Variants in CAPRIN2 observed in about 807,000 individuals in gnomAD.
CAPRIN2 encodes caprin-2.
In CAPRIN2, 66 loss-of-function variants were observed where a neutral mutation model predicts 130.4. The observed-to-expected ratio is 0.51, with a 90% CI of 0.42 to 0.62. The LOEUF (loss-of-function observed/expected upper bound fraction) is 0.62. Among genes scored for constraint, CAPRIN2 ranks in the 20% least tolerant of loss-of-function variants. The pLI, the probability that CAPRIN2 is intolerant of heterozygous loss-of-function variation, is 0.00. For missense variants in CAPRIN2, 1,185 were observed against 1,246.6 expected (o/e 0.95, Z 0.74); for synonymous variants, 471 against 444.1 (o/e 1.06, Z -0.76).
At chr12:30,752,481 A>G (rs1401044146) in intron 1 of CAPRIN2, among the ~76,000 whole-genome samples, 3 of 151,766 alleles carry the variant, frequency 2.0e-5, no homozygotes, top group Admixed American at 6.6e-5. Flanking sequence ...TCACCTTACC[A>G]CACTTGTGAT....
At chr12:30,713,710 T>C in intron 15 of CAPRIN2, 75 bp downstream of exon 17, 1 of 826,126 alleles carries the variant, frequency 1.2e-6, no homozygotes, top group Non-Finnish European at 2.0e-6. Context: ...ATTATGACTC[T>C]GCGATATACT....
chr12:30,727,558 G>A (rs914796623), intron 8 of CAPRIN2, among the ~76,000 whole-genome samples: 2 of 152,142 alleles, frequency 1.3e-5, no homozygotes, highest in East Asian at 3.8e-4. Flanking sequence ...CTCAGCAAAT[G>A]AGGTGGTAAC....
chr12:30,711,531 C>T (rs747248040), intron 16 of CAPRIN2, 35 bp downstream of exon 18: 5 of 1,518,724 alleles, frequency 3.3e-6, no homozygotes, highest in South Asian at 1.1e-5. Flanking sequence ...GAGACATGTG[C>T]TGGGTAAGAA....
chr12:30,721,715 A>G (rs2059455866), intron 11 of CAPRIN2, among the ~76,000 whole-genome samples: 1 of 152,234 alleles, frequency 6.6e-6, no homozygotes, highest in South Asian at 2.1e-4. Context: ...AAGTAATAAA[A>G]TAGGTGAACT....
At chr12:30,733,596 T>A (rs918405483) in intron 5 of CAPRIN2, 33 bp downstream of exon 6, 3 of 1,425,298 alleles carry the variant, frequency 2.1e-6, no homozygotes, top group Non-Finnish European at 3.0e-6. Flanking sequence ...AGTTTAGTAT[T>A]TACTGCATAA....
chr12:30,749,958 C>A (rs75790612), intron 2 of CAPRIN2, among the ~76,000 whole-genome samples: 2,239 of 152,288 alleles, frequency 0.015, 65 homozygotes, highest in East Asian at 0.11. Flanking sequence ...CAATCTCCAA[C>A]CCCCTCTCCC....
chr12:30,749,551 G>A (rs1269313683), intron 2 of CAPRIN2, among the ~76,000 whole-genome samples: 1 of 152,222 alleles, frequency 6.6e-6, no homozygotes, highest in East Asian at 1.9e-4. Context: ...CTTAAAGGGA[G>A]AAGTGAGCAG....
At chr12:30,709,691 C>G in exon 17 of CAPRIN2, 1 of 524,350 alleles carries the variant, frequency 1.9e-6, no homozygotes. Flanking sequence ...ACTAGCGAGG[C>G]TACATCACAA....
exon 1 of CAPRIN2, chr12:30,753,408 T>C (rs764488037): frequency 1.9e-6 from 3 of 1,614,002 alleles, no homozygotes; most frequent in Non-Finnish European, 2.5e-6. Flanking sequence ...AATATAGGTC[T>C]CATACGCTTG....
chr12:30,753,223 G>T, intron 1 of CAPRIN2, 121 bp downstream of exon 2: 2 of 725,826 alleles, frequency 2.8e-6, no homozygotes, highest in Non-Finnish European at 4.6e-6. Context: ...CTTGTTTAAA[G>T]CAGCTAAACC....
At chr12:30,717,477 T>C (rs2058003208) in intron 12 of CAPRIN2, among the ~76,000 whole-genome samples, 1 of 152,114 alleles carries the variant, frequency 6.6e-6, no homozygotes, top group Admixed American at 6.6e-5. Context: ...TTTGGAATAA[T>C]GACAAAGTTC....
chr12:30,735,199 T>G, exon 4 of CAPRIN2: 1 of 1,613,608 alleles, frequency 6.2e-7, no homozygotes, highest in South Asian at 1.1e-5. Flanking sequence ...CTTTTGCGCT[T>G]TTAGTAGCTG....
chr12:30,730,170 G>A, intron 7 of CAPRIN2, 69 bp downstream of exon 8: 1 of 1,303,028 alleles, frequency 7.7e-7, no homozygotes, highest in Non-Finnish European at 1.1e-6. Context: ...CAGAGCCTTA[G>A]CTTCCAACCA....
At chr12:30,727,468 C>T (rs925092467) in intron 8 of CAPRIN2, among the ~76,000 whole-genome samples, 2 of 152,110 alleles carry the variant, frequency 1.3e-5, no homozygotes, top group Non-Finnish European at 2.9e-5. Flanking sequence ...TATCAGAAAG[C>T]CTTTAGCTAA....
intron 16 of CAPRIN2, 47 bp downstream of exon 18, chr12:30,711,519 T>C: frequency 7.1e-7 from 1 of 1,409,584 alleles, no homozygotes; most frequent in Non-Finnish European, 1.0e-6. Context: ...CAGAAAGAAC[T>C]AGAGACATGT....
intron 3 of CAPRIN2, among the ~76,000 whole-genome samples, chr12:30,735,783 T>C (rs949048522): frequency 1.3e-5 from 2 of 152,184 alleles, no homozygotes; most frequent in Non-Finnish European, 1.5e-5. Flanking sequence ...CCTGTCAGTC[T>C]GGACAGAGCT....
chr12:30,734,956 T>C lies in CAPRIN2; in HGVS notation c.809+12A>G, dbSNP rs974127017. 9.5e-6 allele frequency: 15 copies of C among 1,576,450 alleles called. No individual in the cohort carries two copies. The highest frequency in any genetic ancestry group is 1.3e-5 in the Non-Finnish European group (15 of 1,146,134). ...AGTGTTTCATTTCAGGAAAATCTTT[T>C]CATTAGCTTACCTCAGACTTTCATT... On this transcript the variant is annotated intron_variant, in intron 4 of 16. Transcript: ENST00000298892.
intron 2 of CAPRIN2, among the ~76,000 whole-genome samples, chr12:30,744,831 T>TAA (rs1050555984): frequency 3.9e-5 from 6 of 151,992 alleles, no homozygotes; most frequent in African/African-American, 1.5e-4. Flanking sequence ...CTAGAGTAGA[T>TAA]ACTTAATATA....
chr12:30,754,190 G>A (rs2075264796), exon 1 of CAPRIN2: 2 of 161,846 alleles, frequency 1.2e-5, no homozygotes, highest in Non-Finnish European at 2.7e-5. Context: ...TTTGCAGACA[G>A]GTACTCTCTC....
Sources: gnomAD v4.1 joint callset for allele counts (sites outside exome capture counted in the v4.1 genomes callset) on GRCh38, gnomAD v4.1.1 for gene constraint, MANE v1.5 for transcripts, NCBI Gene and HGNC (gene_info 2026-07-23, HGNC 2026-07-21) for gene names.